CDC42BPA: variants seen among roughly 807,000 people sequenced by gnomAD.
CDC42BPA encodes the protein CDC42 binding protein kinase alpha.
In CDC42BPA, 80 loss-of-function variants were observed where a neutral mutation model predicts 223.5. That is an observed-to-expected ratio of 0.36 (90% CI 0.30 to 0.43). The LOEUF (loss-of-function observed/expected upper bound fraction) is 0.43. Ranked by LOEUF, CDC42BPA falls within the 20% of genes least tolerant of loss-of-function variation. CDC42BPA has a pLI of 1.00. For missense variants in CDC42BPA, 1,743 were observed against 2,099.9 expected, an observed-to-expected ratio of 0.83 and a Z score of 3.32; for synonymous variants, 694 against 718.6, an observed-to-expected ratio of 0.97 and a Z score of 0.55.
At chr1:227,100,747 A>AGTGTGTGT (rs57210205) in intron 15 of CDC42BPA, among the ~76,000 whole-genome samples, 18,665 of 137,216 alleles carry the variant, frequency 0.14, 1,573 homozygotes, top group South Asian at 0.29. Flanking sequence ...ATACCCAGCT[A>AGTGTGTGT]GTGTGTGTGT....
At chr1:227,236,319 C>T (rs568546324) in intron 2 of CDC42BPA, among the ~76,000 whole-genome samples, 31 of 152,154 alleles carry the variant, frequency 2.0e-4, no homozygotes, top group African/African-American at 7.5e-4. Context: ...ATCATCTTAA[C>T]GTGGAATTGG....
chr1:227,044,633 G>A (rs1236686186), intron 23 of CDC42BPA, among the ~76,000 whole-genome samples: 1 of 152,098 alleles, frequency 6.6e-6, no homozygotes, highest in Non-Finnish European at 1.5e-5. Flanking sequence ...CTATACTACA[G>A]TTTTTTGATT....
intron 15 of CDC42BPA, among the ~76,000 whole-genome samples, chr1:227,095,535 G>A (rs1381882772): frequency 6.7e-6 from 1 of 149,466 alleles, no homozygotes; most frequent in Non-Finnish European, 1.5e-5. Flanking sequence ...AGTAAACACA[G>A]TTTTAATAAG....
At chr1:227,135,508 C>T (rs986532041) in intron 10 of CDC42BPA, among the ~76,000 whole-genome samples, 1 of 152,068 alleles carries the variant, frequency 6.6e-6, no homozygotes, top group African/African-American at 2.4e-5. Context: ...AGGCTCTATC[C>T]AGCTCCCGAT....
chr1:227,191,159 C>T (rs370698376), intron 5 of CDC42BPA, among the ~76,000 whole-genome samples: 66 of 152,128 alleles, frequency 4.3e-4, no homozygotes, highest in African/African-American at 1.5e-3. Context: ...ACCCGACCAA[C>T]ATGGAGAAAA....
chr1:227,011,948 G>C (rs1474796327), intron 34 of CDC42BPA, among the ~76,000 whole-genome samples: 1 of 152,052 alleles, frequency 6.6e-6, no homozygotes, highest in African/African-American at 2.4e-5. Context: ...AATCCAGCAT[G>C]GAATTCACGT....
At chr1:227,222,988 A>G (rs2147880636) in intron 2 of CDC42BPA, among the ~76,000 whole-genome samples, 1 of 152,314 alleles carries the variant, frequency 6.6e-6, no homozygotes, top group African/African-American at 2.4e-5. Context: ...AAACAGTAGT[A>G]CACAGACAGT....
Position 227,233,723 on chromosome 1 carries a change from A to T in CDC42BPA, c.270+20341T>A, listed in dbSNP as rs185815522. 4.6e-3 allele frequency among the ~76,000 whole-genome samples: 699 copies of T among 152,260 alleles called. 4 individuals are homozygous for T. Among genetic ancestry groups the T allele is most frequent in the African/African-American group, 0.016 (670 of 41,564 alleles). On this transcript the variant is annotated intron_variant, in intron 2 of 36. Transcript: ENST00000366766. ...TGAGGTGGGCAGATCACCTGAGGTC[A>T]GGAGTTTGAGATCAGCCTGGTCAAC...
intron 31 of CDC42BPA, among the ~76,000 whole-genome samples, chr1:227,024,449 G>A (rs1010095768): frequency 2.0e-5 from 3 of 152,130 alleles, no homozygotes; most frequent in Admixed American, 6.6e-5. Flanking sequence ...CATCAATTCT[G>A]CTCCTAGGTA....
rs139039824 is a variant in CDC42BPA at position 227,306,786 on chromosome 1, T to C, written c.178+10219A>G. Reference sequence around the variant, plus strand: ...TCTCAAAAAGGGGCTTTAGTCACTGTTTCATTGCGGGGGCTTTTCCTAATC... The same window carrying C: ...TCTCAAAAAGGGGCTTTAGTCACTGCTTCATTGCGGGGGCTTTTCCTAATC... On this transcript the variant is annotated intron_variant, in intron 1 of 36. Coordinates refer to ENST00000366766, the MANE Select transcript of CDC42BPA (RefSeq NM_001394014.1). Among the ~76,000 whole-genome samples, 6 of 152,292 alleles carry C rather than the reference T, an allele frequency of 3.9e-5. No homozygotes were observed. In the East Asian group the frequency reaches 1.2e-3, roughly 29 times the overall value.
At chr1:227,217,321 C>G (rs1301281176) in intron 2 of CDC42BPA, among the ~76,000 whole-genome samples, 4 of 151,884 alleles carry the variant, frequency 2.6e-5, no homozygotes, top group Non-Finnish European at 5.9e-5. Flanking sequence ...GTGGCGGGCG[C>G]CTGTAGTCCC....
rs759918019 is a variant in CDC42BPA, at chr1:227,031,302, G to A, written c.3771C>T (p.Ile1257=). Reference sequence around the variant, plus strand: ...ATAAATGTTATAAATTCATACCTATGATTGCGGCTGCCTGGGTTGTTTTAA... The same window carrying A: ...ATAAATGTTATAAATTCATACCTATAATTGCGGCTGCCTGGGTTGTTTTAA... ...PLIKTTQAAA[I]IDHERIALGN... Residue 1257 remains isoleucine, a synonymous_variant, in exon 28 of 37, where the codon ATC becomes ATT. Transcript: ENST00000366766. 1 of 1,608,806 alleles carries A rather than the reference G, an allele frequency of 6.2e-7. No individual in the cohort carries two copies. The highest frequency in any genetic ancestry group is 2.2e-5 in the East Asian group (1 of 44,840).
At chr1:227,119,194 G>C (rs1688238234) in intron 12 of CDC42BPA, among the ~76,000 whole-genome samples, 1 of 152,084 alleles carries the variant, frequency 6.6e-6, no homozygotes, top group Admixed American at 6.5e-5. Context: ...ACGGTGCTTA[G>C]CAGCATGTGG....
At chr1:227,103,911 T>G (rs1272038579) in intron 14 of CDC42BPA, among the ~76,000 whole-genome samples, 1 of 152,102 alleles carries the variant, frequency 6.6e-6, no homozygotes, top group Non-Finnish European at 1.5e-5. Context: ...AAGCCAAGCT[T>G]TGAAGCGACA....
At chr1:227,306,794 C>CG (rs1692633353) in intron 1 of CDC42BPA, among the ~76,000 whole-genome samples, 1 of 152,120 alleles carries the variant, frequency 6.6e-6, no homozygotes, top group African/African-American at 2.4e-5. Flanking sequence ...TGTTTCATTG[C>CG]GGGGGCTTTT....
intron 26 of CDC42BPA, 86 bp from the exon 27 acceptor site, chr1:227,033,501 A>T: frequency 1.2e-6 from 1 of 800,022 alleles, no homozygotes; most frequent in Non-Finnish European, 2.1e-6. Flanking sequence ...CACATACCCA[A>T]AGCTTAACTG....
chr1:227,114,405 C>G (rs1687447860), intron 12 of CDC42BPA, among the ~76,000 whole-genome samples: 1 of 149,604 alleles, frequency 6.7e-6, no homozygotes, highest in Non-Finnish European at 1.5e-5. Context: ...ACTGACAGAG[C>G]TTACCATAAT....
At chr1:227,171,970 A>G (rs1354578280) in intron 5 of CDC42BPA, among the ~76,000 whole-genome samples, 2 of 152,074 alleles carry the variant, frequency 1.3e-5, no homozygotes, top group African/African-American at 4.8e-5. Flanking sequence ...CCTTTTTATC[A>G]TTTATATAGG....
chr1:227,005,210 A>T (rs1284671217), intron 34 of CDC42BPA, 99 bp from the exon 35 acceptor site: 1 of 813,296 alleles, frequency 1.2e-6, no homozygotes, highest in Non-Finnish European at 2.1e-6. Context: ...AAATAAAATC[A>T]TCTTGACCAG....
Sources: allele counts gnomAD v4.1 joint callset (sites outside exome capture counted in the v4.1 genomes callset), GRCh38; gene constraint gnomAD v4.1.1; transcripts MANE v1.5; gene names NCBI Gene and HGNC (gene_info 2026-07-23, HGNC 2026-07-21).